MRTFB: variants seen among roughly 807,000 people sequenced by gnomAD.
MRTFB encodes the protein myocardin related transcription factor B, also known as myocardin-related transcription factor B.
MRTFB carries 29 observed loss-of-function variants against 104.2 expected under a neutral mutation model. The observed-to-expected ratio is 0.28, with a 90% confidence interval of 0.21 to 0.38. The LOEUF (loss-of-function observed/expected upper bound fraction) is 0.38, where lower values mean the gene tolerates loss of function less well. Among genes scored for constraint, MRTFB ranks in the 10% least tolerant of loss-of-function variants. The pLI is 1.00. For synonymous variants in MRTFB, 535 were observed against 519.5 expected, an observed-to-expected ratio of 1.03 and a Z score of -0.41; for missense variants, 1,270 against 1,341.6, an observed-to-expected ratio of 0.95 and a Z score of 0.83.
At chr16:14,137,275 T>G (rs191807601) in intron 2 of MRTFB, among the ~76,000 whole-genome samples, 173 of 152,300 alleles carry the variant, frequency 1.1e-3, no homozygotes, top group African/African-American at 4.1e-3. Flanking sequence ...TTTGAAAACT[T>G]AATCTTTGCC....
chr16:14,258,039 A>G (rs748846961), intron 15 of MRTFB, 62 bp from the exon 16 acceptor site: 37 of 1,394,494 alleles, frequency 2.7e-5, no homozygotes, highest in Non-Finnish European at 3.3e-5. Context: ...TAGGACTGCT[A>G]ATTATATAAT....
the MRTFB span, among the ~76,000 whole-genome samples, chr16:14,024,979 A>G: frequency 2.1e-4 from 32 of 152,314 alleles, no homozygotes; most frequent in East Asian, 3.5e-3. Flanking sequence ...AGCAAATGGG[A>G]TTAATCTTTA....
chr16:14,045,442 G>A, the MRTFB span, among the ~76,000 whole-genome samples: 4 of 152,296 alleles, frequency 2.6e-5, no homozygotes, highest in South Asian at 4.1e-4. Context: ...AAAGTGAAGA[G>A]AGAGGTGACT....
intron 2 of MRTFB, among the ~76,000 whole-genome samples, chr16:14,121,061 T>C (rs1195862184): frequency 6.6e-6 from 1 of 152,218 alleles, no homozygotes; most frequent in Admixed American, 6.5e-5. Context: ...AAGCTGTTGC[T>C]CTCTTAAAAC....
At chr16:14,063,415 T>C in the MRTFB span, among the ~76,000 whole-genome samples, 1 of 152,200 alleles carries the variant, frequency 6.6e-6, no homozygotes. Flanking sequence ...ATAAATTGCA[T>C]GTCGACAGGG....
intron 12 of MRTFB, 99 bp from the exon 13 acceptor site, chr16:14,248,827 G>A: frequency 7.7e-7 from 1 of 1,292,474 alleles, no homozygotes. Flanking sequence ...ATTTCATTTA[G>A]ATACAATCCC....
At position 14,213,593 on chromosome 16, in the gene MRTFB, G is replaced by T; in HGVS notation, c.325G>T (p.Glu109Ter). The change falls in exon 6 of 17, where the codon GAA (glutamate) becomes TAA (stop). Residue 109 changes from glutamate (E) to a stop codon, truncating the protein, a stop_gained. Coordinates refer to ENST00000571589, the MANE Select transcript of MRTFB (RefSeq NM_001308142.2). LOFTEE classifies it high-confidence loss of function. ...GATTCGGAGTCGACCAGATCGTTCT[G>T]AACTTGTCAGGATGCACATTTTAGA... The part of the protein sequence containing the change: ...HKIRSRPDRS[E>*]LVRMHILEET... 6.2e-7 allele frequency: 1 copy of T among 1,602,682 alleles called. No homozygotes were observed. The highest frequency in any genetic ancestry group is 1.1e-5 in the South Asian group (1 of 88,328).
chr16:14,197,423 T>A (rs1427809592), intron 3 of MRTFB, among the ~76,000 whole-genome samples: 1 of 152,216 alleles, frequency 6.6e-6, no homozygotes, highest in African/African-American at 2.4e-5. Flanking sequence ...ACATTTTGTC[T>A]TCGTTCCTAC....
chr16:14,100,667 A>G (rs1284068247), intron 2 of MRTFB, among the ~76,000 whole-genome samples: 2 of 152,208 alleles, frequency 1.3e-5, no homozygotes, highest in Non-Finnish European at 2.9e-5. Context: ...TTTTTCCTTA[A>G]ACATCTGCTA....
rs958037207 is a variant in MRTFB, at chr16:14,230,725, T to C, written c.694-3421T>C. Among the ~76,000 whole-genome samples the C allele has an allele frequency of 7.7e-3, 1,179 of 152,276 alleles. 6 individuals carry two copies. Among genetic ancestry groups the C allele is most frequent in the African/African-American group, 0.014 (589 of 41,538 alleles). On this transcript the variant is annotated intron_variant, in intron 8 of 16. Transcript: ENST00000571589. Reference sequence around the variant, plus strand: ...TCAACCCTTGTGGAAGTCAGTGTGGTGATTCCTCAGGGATCTAGAACTAGA... The same window carrying C: ...TCAACCCTTGTGGAAGTCAGTGTGGCGATTCCTCAGGGATCTAGAACTAGA...
intron 3 of MRTFB, among the ~76,000 whole-genome samples, chr16:14,190,642 C>T (rs2040137746): frequency 6.6e-6 from 1 of 151,670 alleles, no homozygotes; most frequent in South Asian, 2.1e-4. Context: ...AGAAAGAAAA[C>T]CAAGTTGTGT....
chr16:14,010,465 T>A, the MRTFB span, among the ~76,000 whole-genome samples: 4 of 152,124 alleles, frequency 2.6e-5, no homozygotes, highest in Non-Finnish European at 5.9e-5. Context: ...CAGGCTACCA[T>A]AATTTTTTAA....
At chr16:14,087,127 C>A (rs1317506235) in intron 2 of MRTFB, among the ~76,000 whole-genome samples, 5 of 152,122 alleles carry the variant, frequency 3.3e-5, no homozygotes, top group African/African-American at 1.2e-4. Flanking sequence ...GAGAATAGAT[C>A]CCTAGCAAAG....
chr16:14,112,704 G>C (rs1227686011), intron 2 of MRTFB, among the ~76,000 whole-genome samples: 1 of 152,194 alleles, frequency 6.6e-6, no homozygotes, highest in Non-Finnish European at 1.5e-5. Context: ...GGCCTGCTTG[G>C]TGTGTTGAGC....
chr16:14,005,429 C>T, the MRTFB span, among the ~76,000 whole-genome samples: 2 of 152,208 alleles, frequency 1.3e-5, no homozygotes, highest in Non-Finnish European at 2.9e-5. Flanking sequence ...GCCTCGTCCT[C>T]AGCAGGCAGG....
chr16:14,067,617 T>C (rs947303073), upstream of MRTFB, among the ~76,000 whole-genome samples: 2 of 152,160 alleles, frequency 1.3e-5, no homozygotes, highest in Admixed American at 1.3e-4. Flanking sequence ...TTCCAAGTCA[T>C]ATCTTTAAAA....
chr16:14,251,278 G>A (rs2043242478), intron 13 of MRTFB, among the ~76,000 whole-genome samples: 1 of 151,214 alleles, frequency 6.6e-6, no homozygotes, highest in Admixed American at 6.6e-5. Flanking sequence ...TTGGGAGGCT[G>A]AGGCAGGAGA....
intron 3 of MRTFB, among the ~76,000 whole-genome samples, chr16:14,160,477 A>G (rs1196335663): frequency 6.6e-6 from 1 of 152,164 alleles, no homozygotes; most frequent in African/African-American, 2.4e-5. Flanking sequence ...TGTTCCTACT[A>G]TTTCTCTTAT....
At chr16:14,006,097 C>G in the MRTFB span, among the ~76,000 whole-genome samples, 3 of 152,050 alleles carry the variant, frequency 2.0e-5, no homozygotes, top group Non-Finnish European at 4.4e-5. Flanking sequence ...AATCCCAGCA[C>G]TTTAGGAGGC....
Sources: allele counts gnomAD v4.1 joint callset (sites outside exome capture counted in the v4.1 genomes callset), GRCh38; gene constraint gnomAD v4.1.1; transcripts MANE v1.5; gene names NCBI Gene and HGNC (gene_info 2026-07-23, HGNC 2026-07-21).